SNTG2: variants seen among roughly 807,000 people sequenced by gnomAD.
SNTG2 encodes the protein syntrophin gamma 2.
Under a neutral mutation model 70.9 loss-of-function variants are expected in SNTG2, and 74 were observed. The ratio of observed to expected loss-of-function variants is 1.04; its 90% CI spans 0.86 to 1.27. The LOEUF (loss-of-function observed/expected upper bound fraction) is 1.27. SNTG2 is among the 50% of genes most tolerant of loss of function. The probability of loss-of-function intolerance (pLI) is 0.00; values close to 1 mark genes in which losing one functional copy is unlikely to be tolerated. For missense variants in SNTG2, 717 were observed against 690.7 expected, an observed-to-expected ratio of 1.04 and a Z score of -0.43; for synonymous variants, 278 against 273.8, an observed-to-expected ratio of 1.02 and a Z score of -0.15.
Position 1,328,956 on chromosome 2 carries a change from C to T in SNTG2, c.1488+12581C>T, listed in dbSNP as rs1028586826. On this transcript the variant is annotated intron_variant, in intron 16 of 16. Transcript: ENST00000308624. The stretch of plus-strand genomic sequence containing the variant: ...ATTCACACATGCACATATACACATA[C>T]GCACATACACAGACACATTTACACA... Among the ~76,000 whole-genome samples, 28 of 152,002 alleles carry T rather than the reference C, an allele frequency of 1.8e-4. No homozygotes were observed. In the South Asian group the frequency reaches 3.3e-3, roughly 18 times the overall value.
intron 8 of SNTG2, among the ~76,000 whole-genome samples, chr2:1,197,466 T>C (rs1399097505): frequency 1.4e-5 from 2 of 137,944 alleles, no homozygotes; most frequent in Non-Finnish European, 3.2e-5. Flanking sequence ...AGCATGCATA[T>C]ATATATGTGT....
Position 1,029,576 on chromosome 2 carries a change from A to T in SNTG2, c.73-53942A>T, listed in dbSNP as rs528407101. Among the ~76,000 whole-genome samples the T allele has an allele frequency of 2.6e-4, 40 of 152,332 alleles. 1 individual carries two copies. Among genetic ancestry groups the T allele is most frequent in the Admixed American group, 1.2e-3 (18 of 15,298 alleles). On this transcript the variant is annotated intron_variant, in intron 1 of 16. Coordinates refer to ENST00000308624, the MANE Select transcript of SNTG2 (RefSeq NM_018968.4). The stretch of plus-strand genomic sequence containing the variant: ...CAATGTTGTCCTGATCAGTTGACAC[A>T]TGAGTTCTCCATAGTTCTGGCGTTA...
Position 1,239,270 on chromosome 2 carries a change from G to A in SNTG2, c.850-468G>A, listed in dbSNP as rs546755617. 1.0e-3 allele frequency among the ~76,000 whole-genome samples: 158 copies of A among 152,322 alleles called. 1 individual carries two copies. The highest frequency in any genetic ancestry group is 3.8e-3 in the African/African-American group (157 of 41,558). ...TGAGCTGCCTCCCGGCTGTGTGGCT[G>A]TGGGCTGTGGGAACATTATGATTCT... On this transcript the variant is annotated intron_variant, in intron 10 of 16. Transcript: ENST00000308624.
chr2:1,009,926 T>G (rs891920789), intron 1 of SNTG2, among the ~76,000 whole-genome samples: 22 of 152,238 alleles, frequency 1.4e-4, no homozygotes, highest in African/African-American at 4.1e-4. Flanking sequence ...GTGGAAGAGA[T>G]GCAAGATTCT....
intron 16 of SNTG2, among the ~76,000 whole-genome samples, chr2:1,348,965 A>G (rs1660440309): frequency 6.6e-6 from 1 of 152,232 alleles, no homozygotes; most frequent in Non-Finnish European, 1.5e-5. Flanking sequence ...AGCCAATACA[A>G]TGAGACAGCA....
intron 12 of SNTG2, among the ~76,000 whole-genome samples, chr2:1,255,909 T>A (rs368059002): frequency 1.0e-4 from 6 of 58,890 alleles, no homozygotes; most frequent in Admixed American, 1.8e-4. Context: ...TATATATAAA[T>A]ATATATATAA....
chr2:1,169,773 G>A (rs1394143190), intron 7 of SNTG2, among the ~76,000 whole-genome samples: 1 of 152,182 alleles, frequency 6.6e-6, no homozygotes, highest in East Asian at 1.9e-4. Flanking sequence ...CAGCTACACG[G>A]ACCACCCCAC....
chr2:1,135,715 T>C (rs1223255848), intron 4 of SNTG2, among the ~76,000 whole-genome samples: 1 of 152,192 alleles, frequency 6.6e-6, no homozygotes, highest in African/African-American at 2.4e-5. Flanking sequence ...AGTGCAAGAC[T>C]CTGTCTCAAA....
chr2:978,451 A>C (rs1660986396), intron 1 of SNTG2, among the ~76,000 whole-genome samples: 1 of 152,198 alleles, frequency 6.6e-6, no homozygotes, highest in Non-Finnish European at 1.5e-5. Flanking sequence ...CCAACAAGGA[A>C]CATATCTCAA....
intron 16 of SNTG2, among the ~76,000 whole-genome samples, chr2:1,334,760 A>G (rs1331415326): frequency 1.3e-5 from 2 of 152,118 alleles, no homozygotes; most frequent in Non-Finnish European, 2.9e-5. Context: ...AGGCATACAA[A>G]TGATACAATG....
At chr2:1,207,743 G>A (rs747895578) in intron 8 of SNTG2, among the ~76,000 whole-genome samples, 23 of 152,252 alleles carry the variant, frequency 1.5e-4, no homozygotes, top group Non-Finnish European at 3.1e-4. Flanking sequence ...CTGGGGAACC[G>A]CCCCCCGTCT....
At chr2:1,071,204 A>G (rs926235170) in intron 1 of SNTG2, among the ~76,000 whole-genome samples, 2 of 151,938 alleles carry the variant, frequency 1.3e-5, no homozygotes, top group Non-Finnish European at 2.9e-5. Context: ...ATGCACACGT[A>G]TGTTTATTGC....
rs562646751 is a variant in SNTG2, at chr2:959,031, G to T, written c.72+7963G>T. Among the ~76,000 whole-genome samples the T allele has an allele frequency of 6.5e-3, 991 of 152,230 alleles. 4 individuals carry two copies. The highest frequency in any genetic ancestry group is 0.011 in the Non-Finnish European group (753 of 67,998). On this transcript the variant is annotated intron_variant, in intron 1 of 16. Transcript: ENST00000308624. Reference sequence around the variant, plus strand: ...TGTATATAAAATACATTTGTTCTTTGTAGCAACAAAATGAAATAGAACAAA... The same window carrying T: ...TGTATATAAAATACATTTGTTCTTTTTAGCAACAAAATGAAATAGAACAAA...
intron 14 of SNTG2, among the ~76,000 whole-genome samples, chr2:1,292,703 G>T (rs951940666): frequency 6.6e-6 from 1 of 151,944 alleles, no homozygotes; most frequent in African/African-American, 2.4e-5. Flanking sequence ...ATCTTACTTT[G>T]TTACATTGTA....
At chr2:1,179,386 A>G (rs1671706439) in intron 8 of SNTG2, among the ~76,000 whole-genome samples, 1 of 152,200 alleles carries the variant, frequency 6.6e-6, no homozygotes. Context: ...TACAAAATCA[A>G]TGTGCAAAAA....
chr2:1,215,553 T>TA (rs1674326656), intron 9 of SNTG2, among the ~76,000 whole-genome samples: 1 of 151,654 alleles, frequency 6.6e-6, no homozygotes, highest in African/African-American at 2.4e-5. Flanking sequence ...TTTTTTTCTT[T>TA]TTTTTCTTTT....
chr2:1,094,207 G>T (rs1665227000), intron 2 of SNTG2, among the ~76,000 whole-genome samples: 1 of 116,018 alleles, frequency 8.6e-6, no homozygotes, highest in Non-Finnish European at 1.9e-5. Flanking sequence ...GGCCTTATAG[G>T]TGTGTCCTCA....
intron 6 of SNTG2, among the ~76,000 whole-genome samples, chr2:1,155,059 C>T (rs1247712035): frequency 3.3e-5 from 5 of 150,530 alleles, no homozygotes; most frequent in South Asian, 4.2e-4. Flanking sequence ...CACACATAAA[C>T]ACAAACCACA....
intron 16 of SNTG2, among the ~76,000 whole-genome samples, chr2:1,320,305 C>T (rs979394431): frequency 4.6e-5 from 7 of 151,924 alleles, no homozygotes; most frequent in South Asian, 2.1e-4. Context: ...GAGGCTGAGG[C>T]GGGTGAATCA....
Sources: gnomAD v4.1 joint callset for allele counts (sites outside exome capture counted in the v4.1 genomes callset) on GRCh38, gnomAD v4.1.1 for gene constraint, MANE v1.5 for transcripts, NCBI Gene and HGNC (gene_info 2026-07-23, HGNC 2026-07-21) for gene names.